CNTNAP2: variants seen among roughly 807,000 people sequenced by gnomAD.
CNTNAP2 encodes contactin associated protein 2.
Under a neutral mutation model 155.2 loss-of-function variants are expected in CNTNAP2, and 98 were observed. The observed-to-expected ratio is 0.63, with a 90% CI of 0.54 to 0.75. The LOEUF (loss-of-function observed/expected upper bound fraction) is 0.75, where lower values mean the gene tolerates loss of function less well. CNTNAP2 is among the 30% of genes least tolerant of loss of function. The pLI is 0.00. For synonymous variants in CNTNAP2, 651 were observed against 631.2 expected (o/e 1.03, Z -0.47); for missense variants, 1,727 against 1,688.1 (o/e 1.02, Z -0.40).
chr7:147,784,962 C>T (rs934828094), intron 13 of CNTNAP2, among the ~76,000 whole-genome samples: 1 of 152,046 alleles, frequency 6.6e-6, no homozygotes, highest in African/African-American at 2.4e-5. Context: ...TTCTTATCCA[C>T]AATGCCAAGA....
intron 1 of CNTNAP2, among the ~76,000 whole-genome samples, chr7:146,702,220 A>G (rs1425048829): frequency 2.0e-5 from 3 of 152,188 alleles, no homozygotes; most frequent in Non-Finnish European, 4.4e-5. Context: ...AAAATAGGTG[A>G]ACAGAAATTA....
At chr7:146,917,563 C>T (rs1393321539) in intron 3 of CNTNAP2, among the ~76,000 whole-genome samples, 1 of 151,924 alleles carries the variant, frequency 6.6e-6, no homozygotes. Flanking sequence ...ATATAATGTC[C>T]TTCTTTGTCT....
At chr7:146,133,616 T>C (rs1456655160) in intron 1 of CNTNAP2, among the ~76,000 whole-genome samples, 1 of 152,144 alleles carries the variant, frequency 6.6e-6, no homozygotes, top group Non-Finnish European at 1.5e-5. Flanking sequence ...GGATCCAGTT[T>C]CAGCTTTCTA....
chr7:147,178,130 C>T (rs534949182), intron 8 of CNTNAP2, among the ~76,000 whole-genome samples: 1 of 152,056 alleles, frequency 6.6e-6, no homozygotes, highest in South Asian at 2.1e-4. Flanking sequence ...AGGGACTTTG[C>T]AGATATGCTT....
intron 3 of CNTNAP2, among the ~76,000 whole-genome samples, chr7:146,906,666 A>T (rs1341156314): frequency 6.6e-6 from 1 of 152,156 alleles, no homozygotes; most frequent in Non-Finnish European, 1.5e-5. Flanking sequence ...CACCATCATC[A>T]AAGACCAAAA....
chr7:147,096,415 C>T (rs576669405), intron 4 of CNTNAP2, among the ~76,000 whole-genome samples: 283 of 152,354 alleles, frequency 1.9e-3, no homozygotes, highest in African/African-American at 6.5e-3. Context: ...CTTTTATCCA[C>T]AACATATCCC....
At chr7:146,499,527 A>G (rs1192745604) in intron 1 of CNTNAP2, among the ~76,000 whole-genome samples, 2 of 152,084 alleles carry the variant, frequency 1.3e-5, no homozygotes, top group Non-Finnish European at 2.9e-5. Flanking sequence ...CATTTTGACT[A>G]TTTTGTGTCA....
intron 6 of CNTNAP2, among the ~76,000 whole-genome samples, chr7:147,125,221 C>T (rs906640319): frequency 2.0e-5 from 3 of 151,898 alleles, no homozygotes; most frequent in Admixed American, 6.6e-5. Context: ...TTCACCATGT[C>T]GACCAGGATG....
intron 1 of CNTNAP2, among the ~76,000 whole-genome samples, chr7:146,437,868 A>G (rs1316842727): frequency 1.4e-5 from 2 of 138,130 alleles, no homozygotes; most frequent in African/African-American, 6.3e-5. Flanking sequence ...CTCATGTGCA[A>G]TTCCCCAATC....
intron 8 of CNTNAP2, among the ~76,000 whole-genome samples, chr7:147,143,687 G>A (rs1801645066): frequency 6.6e-6 from 1 of 151,978 alleles, no homozygotes; most frequent in South Asian, 2.1e-4. Flanking sequence ...ATATCTCAAA[G>A]GAAATAATTG....
chr7:147,131,056 G>GTATATATATGTGTA (rs1321590201), intron 7 of CNTNAP2, among the ~76,000 whole-genome samples: 2 of 145,382 alleles, frequency 1.4e-5, no homozygotes, highest in African/African-American at 2.6e-5. Flanking sequence ...ATATATATGT[G>GTATATATATGTGTA]TATATATATG....
intron 1 of CNTNAP2, among the ~76,000 whole-genome samples, chr7:146,598,614 G>T (rs1000436917): frequency 6.6e-6 from 1 of 151,624 alleles, no homozygotes; most frequent in African/African-American, 2.4e-5. Flanking sequence ...CTTTTTTTCT[G>T]GAATACTTTT....
At chr7:146,999,336 C>T (rs1415568209) in intron 3 of CNTNAP2, among the ~76,000 whole-genome samples, 1 of 150,404 alleles carries the variant, frequency 6.6e-6, no homozygotes, top group African/African-American at 2.4e-5. Flanking sequence ...TCACAATTTA[C>T]ATCATTTTAT....
At chr7:147,995,967 G>C (rs1178470736) in intron 15 of CNTNAP2, among the ~76,000 whole-genome samples, 2 of 152,210 alleles carry the variant, frequency 1.3e-5, no homozygotes, top group African/African-American at 4.8e-5. Context: ...AAATGCAAAT[G>C]CAGGACCATT....
rs193277020 is a variant in CNTNAP2, at chr7:146,357,026, G to A, written c.97+240053G>A. ...CGACAGCATCCAACGTGCAATGACTGAAGTTATTATAACATCTTGTTCAAT... is the reference window on the plus strand; with the variant it reads ...CGACAGCATCCAACGTGCAATGACTAAAGTTATTATAACATCTTGTTCAAT... On this transcript the variant is annotated intron_variant, in intron 1 of 23. Transcript: ENST00000361727. Among the ~76,000 whole-genome samples the A allele has an allele frequency of 1.5e-3, 233 of 152,272 alleles. 2 individuals are homozygous for A. The highest frequency in any genetic ancestry group is 5.0e-3 in the African/African-American group (206 of 41,558).
intron 18 of CNTNAP2, among the ~76,000 whole-genome samples, chr7:148,185,712 A>T (rs1415633974): frequency 6.6e-6 from 1 of 152,246 alleles, no homozygotes; most frequent in Non-Finnish European, 1.5e-5. Context: ...ATTTGATTTA[A>T]ATCCCTTTTA....
intron 15 of CNTNAP2, among the ~76,000 whole-genome samples, chr7:148,029,304 G>A (rs1487359388): frequency 1.3e-5 from 2 of 152,126 alleles, no homozygotes; most frequent in African/African-American, 4.8e-5. Context: ...CTATAATAAA[G>A]AATATTCTAA....
In CNTNAP2 at chr7:148,383,727, A is replaced by AC. The variant is rs772883080; in HGVS notation, c.3556dup (p.Gln1186ProfsTer61). On this transcript the variant is annotated frameshift_variant, in exon 22 of 24. Transcript: ENST00000361727. LOFTEE classifies it high-confidence loss of function. Reference sequence around the variant, plus strand: ...GGTTGCCTCTCCAGAGTCCAGTTCAACCAGATCGCCCCTCTCAAGGCCGCC... The same window carrying AC: ...GGTTGCCTCTCCAGAGTCCAGTTCAACCCAGATCGCCCCTCTCAAGGCCGCC... 1.2e-6 allele frequency: 2 copies of AC among 1,614,066 alleles called. No homozygotes were observed. Among genetic ancestry groups the AC allele is most frequent in the Non-Finnish European group, 8.5e-7 (1 of 1,180,042 alleles).
chr7:147,550,157 G>A lies in CNTNAP2; in HGVS notation c.1778-11981G>A, dbSNP rs73464908. Among the ~76,000 whole-genome samples, 676 of 152,178 alleles carry A rather than the reference G, an allele frequency of 4.4e-3. 8 individuals are homozygous for A. Among genetic ancestry groups the A allele is most frequent in the African/African-American group, 0.015 (624 of 41,520 alleles). On this transcript the variant is annotated intron_variant, in intron 11 of 23. Coordinates refer to ENST00000361727, the MANE Select transcript of CNTNAP2 (RefSeq NM_014141.6). Reference sequence around the variant, plus strand: ...CAATTTGATCATGATTGAAATTCCCGGTGGAAAAATATATTTGGGATTTGT... The same window carrying A: ...CAATTTGATCATGATTGAAATTCCCAGTGGAAAAATATATTTGGGATTTGT...
Sources: gnomAD v4.1 joint callset for allele counts (sites outside exome capture counted in the v4.1 genomes callset) on GRCh38, gnomAD v4.1.1 for gene constraint, MANE v1.5 for transcripts, NCBI Gene and HGNC (gene_info 2026-07-23, HGNC 2026-07-21) for gene names.